The following ZC3H12C variants were observed in gnomAD, a reference collection of about 807,000 sequenced individuals.
ZC3H12C encodes probable ribonuclease ZC3H12C.
In ZC3H12C, 20 loss-of-function variants were observed where a neutral mutation model predicts 76.3. The ratio of observed to expected loss-of-function variants is 0.26; its 90% CI spans 0.18 to 0.38. ZC3H12C has a LOEUF of 0.38. ZC3H12C is among the 10% of genes least tolerant of loss of function. The pLI, the probability that ZC3H12C is intolerant of heterozygous loss-of-function variation, is 1.00. For synonymous variants in ZC3H12C, 352 were observed against 399.6 expected, an observed-to-expected ratio of 0.88 and a Z score of 1.42; for missense variants, 874 against 1,086.5, an observed-to-expected ratio of 0.80 and a Z score of 2.75.
rs1434158395 is a variant in ZC3H12C, at chr11:110,170,894, A to G, written c.*5157A>G. 1 of 152,198 alleles carries G rather than the reference A, an allele frequency of 6.6e-6. No homozygotes were observed. Among genetic ancestry groups the G allele is most frequent in the African/African-American group, 2.4e-5 (1 of 41,462 alleles). 9.4% of individuals were successfully genotyped at this position (152,198 alleles called of 1,614,324 possible). On this transcript the variant is annotated 3_prime_UTR_variant, in exon 6 of 6. Transcript: ENST00000278590. Reference sequence around the variant, plus strand: ...TGTTTTTCCTTAATACTTTCTGTTAACTTAATTATTACTCCTGTTGCAGTG... The same window carrying G: ...TGTTTTTCCTTAATACTTTCTGTTAGCTTAATTATTACTCCTGTTGCAGTG...
At chr11:110,131,046 GTTAAGGAGT>G in intron 1 of ZC3H12C, 3 of 1,535,854 alleles carry the variant, frequency 2.0e-6, no homozygotes, top group Non-Finnish European at 2.6e-6. Context: ...CTAAAATTGT[GTTAAGGAGT>G]TTACTGCTGA....
chr11:110,124,305 C>T (rs1322553231), intron 1 of ZC3H12C: 2 of 152,078 alleles, frequency 1.3e-5, no homozygotes, highest in Admixed American at 6.6e-5. Context: ...AGCAGAGCAG[C>T]ATTTTTGTTC....
intron 2 of ZC3H12C, among the ~76,000 whole-genome samples, chr11:110,145,098 G>A (rs1482687277): frequency 6.6e-6 from 1 of 152,062 alleles, no homozygotes; most frequent in African/African-American, 2.4e-5. Context: ...ATTTTTCTCT[G>A]CATTACAAAA....
Position 110,163,386 on chromosome 11 carries a change from T to TG in ZC3H12C, c.1255+8dup, listed in dbSNP as rs1219033799. The TG allele has an allele frequency of 6.2e-7, 1 of 1,605,992 alleles. No homozygotes were observed. The highest frequency in any genetic ancestry group is 1.3e-5 in the African/African-American group (1 of 74,804). On this transcript the variant is annotated splice_region_variant and intron_variant, in intron 5 of 5. Coordinates refer to ENST00000278590, the MANE Select transcript of ZC3H12C (RefSeq NM_033390.2). Reference sequence around the variant, plus strand: ...AAGCAGCCTTGTCCATATGGTAACTTGCTTTGTGAATATTGGGTATATGCC... The same window carrying TG: ...AAGCAGCCTTGTCCATATGGTAACTTGGCTTTGTGAATATTGGGTATATGCC...
intron 1 of ZC3H12C, among the ~76,000 whole-genome samples, chr11:110,117,923 T>C (rs944723533): frequency 1.3e-4 from 7 of 54,094 alleles, no homozygotes; most frequent in African/African-American, 2.1e-4. Context: ...ATTATATATA[T>C]ACACACACAC....
intron 1 of ZC3H12C, among the ~76,000 whole-genome samples, chr11:110,104,242 A>G (rs913652653): frequency 3.3e-5 from 5 of 151,928 alleles, no homozygotes; most frequent in Non-Finnish European, 5.9e-5. Context: ...TATTTTTAGT[A>G]GAGACGAGGT....
In ZC3H12C at chr11:110,165,431, T is replaced by C. The variant is rs1862563258; in HGVS notation, c.2346T>C (p.Tyr782=). ...EGLGSWERPG[Y]GIDAYGYRQT... ...TGGGAAGCTGGGAGAGGCCAGGCTA[T>C]GGGATCGACGCCTATGGGTACCGGC... The change falls in exon 6 of 6, where the codon TAT becomes TAC. Residue 782 remains tyrosine (Y), a synonymous_variant. Coordinates refer to ENST00000278590, the MANE Select transcript of ZC3H12C (RefSeq NM_033390.2). 1 of 1,614,036 alleles carries C rather than the reference T, an allele frequency of 6.2e-7. No individual in the cohort carries two copies. Among genetic ancestry groups the C allele is most frequent in the Non-Finnish European group, 8.5e-7 (1 of 1,179,890 alleles).
chr11:110,132,138 T>C (rs1004916168), intron 1 of ZC3H12C, among the ~76,000 whole-genome samples: 3 of 152,230 alleles, frequency 2.0e-5, no homozygotes, highest in Admixed American at 6.5e-5. Context: ...TTTTATGGCA[T>C]TGTAACTTTA....
rs1345612087 is a variant in ZC3H12C, at chr11:110,170,619, G to A, written c.*4882G>A. 2 of 152,186 alleles carry A rather than the reference G, an allele frequency of 1.3e-5. No homozygotes were observed. Among genetic ancestry groups the A allele is most frequent in the African/African-American group, 4.8e-5 (2 of 41,464 alleles). 9.4% of individuals were successfully genotyped at this position (152,186 alleles called of 1,614,324 possible). A position where few individuals can be genotyped will look rare whatever the true frequency, so the allele number is the denominator to read the frequency against. Reference sequence around the variant, plus strand: ...GTCCAGATCTTTAGGATTTTTAGATGCCTTGGGACTGTCCTTGGTGAATGA... The same window carrying A: ...GTCCAGATCTTTAGGATTTTTAGATACCTTGGGACTGTCCTTGGTGAATGA... On this transcript the variant is annotated 3_prime_UTR_variant, in exon 6 of 6. Transcript: ENST00000278590.
At chr11:110,119,984 T>C (rs1417508211) in intron 1 of ZC3H12C, among the ~76,000 whole-genome samples, 1 of 152,220 alleles carries the variant, frequency 6.6e-6, no homozygotes, top group African/African-American at 2.4e-5. Flanking sequence ...CCTTTCACTT[T>C]GTTTAGGTGG....
intron 1 of ZC3H12C, among the ~76,000 whole-genome samples, chr11:110,134,358 G>A (rs1389150960): frequency 2.0e-5 from 3 of 152,012 alleles, no homozygotes; most frequent in East Asian, 1.9e-4. Flanking sequence ...TGTTAAAGGC[G>A]TGCAGCTTAG....
chr11:110,101,535 G>A (rs999705475), intron 1 of ZC3H12C, among the ~76,000 whole-genome samples: 9 of 146,002 alleles, frequency 6.2e-5, no homozygotes, highest in Admixed American at 2.2e-4. Context: ...AAGGCCCTTG[G>A]GAATCAATGC....
chr11:110,131,074 C>A, intron 1 of ZC3H12C: 1 of 1,535,832 alleles, frequency 6.5e-7, no homozygotes, highest in Non-Finnish European at 8.7e-7. Context: ...GAAGCTGCTA[C>A]AGAAACCAAT....
In ZC3H12C at chr11:110,170,214, CTG is replaced by C. The variant is rs780593996; in HGVS notation, c.*4479_*4480del. ...GTGTTTAACCACAAAAAAAAGCACT[CTG>C]TTAAAATGTTTTAATATGTATTGAA... On this transcript the variant is annotated 3_prime_UTR_variant, in exon 6 of 6. Transcript: ENST00000278590. 1 of 152,138 alleles carries C rather than the reference CTG, an allele frequency of 6.6e-6. No homozygotes were observed. The highest frequency in any genetic ancestry group is 1.5e-5 in the Non-Finnish European group (1 of 67,998). The allele number at this position is 152,138 out of a possible 1,614,324, so 9.4% of individuals were successfully genotyped here.
intron 1 of ZC3H12C, among the ~76,000 whole-genome samples, chr11:110,111,614 C>G (rs1375987782): frequency 6.6e-6 from 1 of 151,524 alleles, no homozygotes; most frequent in Non-Finnish European, 1.5e-5. Flanking sequence ...TCACTGCAGC[C>G]TGAATCTCCC....
chr11:110,130,492 A>G (rs1463620312), intron 1 of ZC3H12C, among the ~76,000 whole-genome samples: 1 of 152,088 alleles, frequency 6.6e-6, no homozygotes, highest in African/African-American at 2.4e-5. Flanking sequence ...TTCACCAGTA[A>G]CTCATTTATT....
intron 2 of ZC3H12C, among the ~76,000 whole-genome samples, chr11:110,144,275 G>A (rs1862122172): frequency 6.6e-6 from 1 of 152,170 alleles, no homozygotes; most frequent in African/African-American, 2.4e-5. Context: ...AAGACTGAGA[G>A]GACATGAGAA....
At chr11:110,096,642 A>G (rs1046056941) in intron 1 of ZC3H12C, among the ~76,000 whole-genome samples, 7 of 152,220 alleles carry the variant, frequency 4.6e-5, no homozygotes, top group Admixed American at 1.3e-4. Context: ...TTCTGCCTCG[A>G]TAGGATTCTG....
chr11:110,093,559 C>T (rs1861050560), intron 1 of ZC3H12C, 127 bp downstream of exon 1: 2 of 650,994 alleles, frequency 3.1e-6, no homozygotes, highest in African/African-American at 2.0e-5. Context: ...CCGCAGCGAC[C>T]TCGCCGTGTG....
Sources: gnomAD v4.1 joint callset for allele counts (sites outside exome capture counted in the v4.1 genomes callset) on GRCh38, gnomAD v4.1.1 for gene constraint, MANE v1.5 for transcripts, NCBI Gene and HGNC (gene_info 2026-07-23, HGNC 2026-07-21) for gene names.